The following RALGPS1 variants were observed in gnomAD, a reference collection of about 807,000 sequenced individuals.
RALGPS1 encodes the protein Ral GEF with PH domain and SH3 binding motif 1.
A neutral mutation model predicts 78.8 loss-of-function variants in RALGPS1; 19 were observed. That is an observed-to-expected ratio of 0.24 (90% CI 0.17 to 0.35). The LOEUF is 0.35. Among genes scored for constraint, RALGPS1 ranks in the 10% least tolerant of loss-of-function variants. The pLI is 1.00. For synonymous variants in RALGPS1, 228 were observed against 256.3 expected (o/e 0.89, Z 1.06); for missense variants, 454 against 688.3 (o/e 0.66, Z 3.81).
At chr9:127,072,881 T>G (rs571702516) in intron 8 of RALGPS1, among the ~76,000 whole-genome samples, 26 of 152,376 alleles carry the variant, frequency 1.7e-4, no homozygotes, top group African/African-American at 6.3e-4. Flanking sequence ...TTACTTCTAT[T>G]GTCTGATATT....
chr9:127,075,031 C>T (rs1274889757), intron 8 of RALGPS1, among the ~76,000 whole-genome samples: 1 of 152,242 alleles, frequency 6.6e-6, no homozygotes, highest in Non-Finnish European at 1.5e-5. Context: ...GGGCATTGGT[C>T]AGCCTGTGCC....
At chr9:127,117,050 G>A (rs2055507326) in intron 8 of RALGPS1, among the ~76,000 whole-genome samples, 1 of 152,172 alleles carries the variant, frequency 6.6e-6, no homozygotes, top group South Asian at 2.1e-4. Flanking sequence ...GATCATGTCA[G>A]CGTCCTGCTT....
intron 1 of RALGPS1, among the ~76,000 whole-genome samples, chr9:126,946,008 A>G (rs2037228222): frequency 6.6e-6 from 1 of 152,174 alleles, no homozygotes; most frequent in Admixed American, 6.5e-5. Context: ...TCACTCTATT[A>G]AGAATAAACC....
intron 4 of RALGPS1, among the ~76,000 whole-genome samples, chr9:126,982,183 T>C (rs1207492075): frequency 6.6e-6 from 1 of 152,186 alleles, no homozygotes; most frequent in Non-Finnish European, 1.5e-5. Flanking sequence ...GTATCACAGA[T>C]CAGCCCTCTT....
intron 8 of RALGPS1, among the ~76,000 whole-genome samples, chr9:127,106,637 T>A (rs1051951500): frequency 2.6e-5 from 4 of 152,206 alleles, no homozygotes; most frequent in African/African-American, 7.2e-5. Context: ...CCAAAGCGCC[T>A]GCTCTCAATC....
chr9:127,182,312 A>ACCTT (rs1252465455), intron 11 of RALGPS1, among the ~76,000 whole-genome samples: 36 of 143,442 alleles, frequency 2.5e-4, no homozygotes, highest in South Asian at 1.2e-3. Flanking sequence ...CTACCTACCT[A>ACCTT]CCTTCCTTCC....
chr9:127,120,069 G>A (rs1390852623), intron 8 of RALGPS1, among the ~76,000 whole-genome samples: 1 of 152,218 alleles, frequency 6.6e-6, no homozygotes, highest in Non-Finnish European at 1.5e-5. Flanking sequence ...GTGTTGTCTG[G>A]TGTAAGATCC....
At chr9:126,964,900 CTA>C (rs1245005463) in intron 2 of RALGPS1, among the ~76,000 whole-genome samples, 1 of 152,166 alleles carries the variant, frequency 6.6e-6, no homozygotes, top group African/African-American at 2.4e-5. Context: ...AGCATATTCT[CTA>C]AATCCCAGTC....
intron 8 of RALGPS1, among the ~76,000 whole-genome samples, chr9:127,100,733 G>C (rs1439985130): frequency 2.0e-5 from 3 of 152,184 alleles, no homozygotes; most frequent in Non-Finnish European, 2.9e-5. Flanking sequence ...GAACTTATCA[G>C]ACCCATGACT....
At chr9:126,982,650 A>AT (rs2041356433) in intron 4 of RALGPS1, among the ~76,000 whole-genome samples, 1 of 151,844 alleles carries the variant, frequency 6.6e-6, no homozygotes, top group Non-Finnish European at 1.5e-5. Flanking sequence ...GTTTCCCTTT[A>AT]TGTCAGTCTC....
intron 8 of RALGPS1, among the ~76,000 whole-genome samples, chr9:127,070,831 A>G (rs1482887128): frequency 2.0e-5 from 3 of 151,942 alleles, no homozygotes; most frequent in African/African-American, 7.2e-5. Flanking sequence ...AATTTCTTTC[A>G]TGAGCATTGT....
rs1296839756 is a variant in RALGPS1 at position 127,194,949 on chromosome 9, A to G, written c.911-142A>G. On this transcript the variant is annotated intron_variant, in intron 11 of 18. Transcript: ENST00000259351. ...ATGAGTAGGAAGCTACAGAGCTCAT[A>G]TGAACCTTGCCCCACCTGTGACAGC... is the stretch of plus-strand genomic sequence containing the variant. 4.2e-6 allele frequency: 4 copies of G among 947,222 alleles called. No individual in the cohort carries two copies. The Admixed American group carries it at 5.6e-5, about 13-fold the overall frequency. The allele number at this position is 947,222 out of a possible 1,614,324, so 58.7% of individuals were successfully genotyped here.
chr9:126,925,073 G>A (rs932000138), intron 1 of RALGPS1, among the ~76,000 whole-genome samples: 2 of 151,952 alleles, frequency 1.3e-5, no homozygotes, highest in African/African-American at 4.8e-5. Flanking sequence ...GTTGCGGTGA[G>A]CCGAGATCGC....
At chr9:127,185,137 C>T (rs550136251) in intron 11 of RALGPS1, among the ~76,000 whole-genome samples, 12 of 152,274 alleles carry the variant, frequency 7.9e-5, no homozygotes, top group Non-Finnish European at 1.6e-4. Flanking sequence ...ACCCCAAGTC[C>T]CCCTCCCTCC....
chr9:126,969,213 C>G (rs2039852292), intron 3 of RALGPS1, among the ~76,000 whole-genome samples: 1 of 152,084 alleles, frequency 6.6e-6, no homozygotes, highest in African/African-American at 2.4e-5. Flanking sequence ...TCTTTACAAG[C>G]TAAGTCTTCA....
intron 11 of RALGPS1, among the ~76,000 whole-genome samples, chr9:127,193,599 G>A (rs1465826522): frequency 1.3e-5 from 2 of 152,072 alleles, no homozygotes; most frequent in Admixed American, 6.5e-5. Context: ...CACAGTATAC[G>A]GGCTGGGGGT....
intron 4 of RALGPS1, among the ~76,000 whole-genome samples, chr9:127,030,238 A>T (rs1432480884): frequency 2.0e-5 from 3 of 152,202 alleles, no homozygotes. Context: ...GGACACAGAC[A>T]TGTAGTTGAA....
chr9:127,164,394 C>A (rs1030662801), intron 8 of RALGPS1, among the ~76,000 whole-genome samples: 2 of 151,886 alleles, frequency 1.3e-5, no homozygotes, highest in Non-Finnish European at 2.9e-5. Flanking sequence ...CACCACCACA[C>A]GTGACTAATT....
intron 14 of RALGPS1, among the ~76,000 whole-genome samples, chr9:127,207,476 T>G (rs1466952661): frequency 4.6e-5 from 7 of 152,242 alleles, no homozygotes; most frequent in Admixed American, 4.6e-4. Context: ...TTCTGGGCTA[T>G]GAGCCCCTAT....
Sources: allele counts gnomAD v4.1 joint callset (sites outside exome capture counted in the v4.1 genomes callset), GRCh38; gene constraint gnomAD v4.1.1; transcripts MANE v1.5; gene names NCBI Gene and HGNC (gene_info 2026-07-23, HGNC 2026-07-21).